The following PSMB5 variants were observed in gnomAD, a reference collection of about 807,000 sequenced individuals.
PSMB5 encodes the protein proteasome 20S subunit beta 5, also known as proteasome subunit beta type-5.
PSMB5 carries 2 observed loss-of-function variants against 22.8 expected under a neutral mutation model. The ratio of observed to expected loss-of-function variants is 0.09; its 90% CI spans 0.04 to 0.28. The LOEUF is 0.28. Ranked by LOEUF, PSMB5 falls within the 10% of genes least tolerant of loss-of-function variation. The pLI is 1.00. For missense variants in PSMB5, 269 were observed against 343.8 expected (o/e 0.78, Z 1.72); for synonymous variants, 133 against 135.3 (o/e 0.98, Z 0.12).
At chr14:23,030,317 G>A (rs888179529) in intron 2 of PSMB5, among the ~76,000 whole-genome samples, 6 of 151,506 alleles carry the variant, frequency 4.0e-5, no homozygotes, top group East Asian at 2.0e-4. Context: ...GTGAAACCCC[G>A]TCTCTACTAA....
chr14:23,033,897 G>A (rs2046971876), intron 1 of PSMB5, among the ~76,000 whole-genome samples: 2 of 152,174 alleles, frequency 1.3e-5, no homozygotes, highest in Middle Eastern at 3.2e-3. Flanking sequence ...TAGGATGGGC[G>A]TGGTGGCTCA....
chr14:23,030,797 G>C lies in PSMB5; in HGVS notation c.505+2571C>G, dbSNP rs539215627. Among the ~76,000 whole-genome samples the C allele has an allele frequency of 2.0e-5, 3 of 152,146 alleles. No individual in the cohort carries two copies. In the East Asian group the frequency reaches 5.8e-4, roughly 30 times the overall value. On this transcript the variant is annotated intron_variant, in intron 2 of 2. Coordinates refer to ENST00000361611, the MANE Select transcript of PSMB5 (RefSeq NM_002797.5). ...CAAAAGTTAGCTGGCAGGGTGGCGG[G>C]TGTCTGTAATCCCAGCTACTCGGGA...
upstream of PSMB5, chr14:23,035,033 A>C (rs1227889900): frequency 5.0e-6 from 7 of 1,404,164 alleles, no homozygotes; most frequent in Admixed American, 2.9e-5. Flanking sequence ...AAGAAGAGCC[A>C]GATGCGAAAG....
intron 1 of PSMB5, 189 bp downstream of exon 1, chr14:23,034,495 C>T: frequency 5.8e-6 from 4 of 685,398 alleles, no homozygotes; most frequent in Non-Finnish European, 9.5e-6. Flanking sequence ...CACCGCCACC[C>T]TTTCCAACCA....
intron 1 of PSMB5, among the ~76,000 whole-genome samples, chr14:23,034,109 G>C (rs939722908): frequency 2.7e-5 from 4 of 148,948 alleles, no homozygotes; most frequent in African/African-American, 1.0e-4. Flanking sequence ...CTGAGCGACA[G>C]CGAAAAGCCC....
rs768191445 is a variant in PSMB5, at chr14:23,026,215, G to T, written c.666C>A (p.Ala222=). 6.2e-7 allele frequency: 1 copy of T among 1,614,084 alleles called. No homozygotes were observed. Residue 222 remains alanine, a synonymous_variant, in exon 3 of 3, where the codon GCC becomes GCA. Transcript: ENST00000361611. ...YDLARRAIYQ[A]TYRDAYSGGA... ...CTCCTGAGTAGGCATCTCTGTAGGTGGCTTGGTAGATGGCTCGACGGGCCA... is the reference window on the plus strand; with the variant it reads ...CTCCTGAGTAGGCATCTCTGTAGGTTGCTTGGTAGATGGCTCGACGGGCCA...
chr14:23,032,828 G>C (rs1264237920), intron 2 of PSMB5, among the ~76,000 whole-genome samples: 1 of 150,672 alleles, frequency 6.6e-6, no homozygotes, highest in African/African-American at 2.4e-5. Flanking sequence ...TCGATCTCCT[G>C]ACCTCGTGAT....
upstream of PSMB5, chr14:23,034,946 C>A: frequency 6.5e-7 from 1 of 1,545,512 alleles, no homozygotes; most frequent in South Asian, 1.2e-5. Context: ...GGCAACGCCT[C>A]GCCGTCACAG....
chr14:23,026,934 T>A (rs183204991), intron 2 of PSMB5, among the ~76,000 whole-genome samples: 1 of 148,762 alleles, frequency 6.7e-6, no homozygotes, highest in East Asian at 2.0e-4. Flanking sequence ...AATACAAAAT[T>A]TGCCAGGCGT....
At chr14:23,028,012 G>A (rs924944521) in intron 2 of PSMB5, among the ~76,000 whole-genome samples, 8 of 151,970 alleles carry the variant, frequency 5.3e-5, no homozygotes, top group Non-Finnish European at 1.2e-4. Flanking sequence ...GCGTGGTGGC[G>A]CATGCCTGTA....
At chr14:23,031,030 C>T (rs1339552556) in intron 2 of PSMB5, among the ~76,000 whole-genome samples, 1 of 152,104 alleles carries the variant, frequency 6.6e-6, no homozygotes, top group South Asian at 2.1e-4. Context: ...AAAATACCTG[C>T]GTATAAGTGG....
intron 2 of PSMB5, among the ~76,000 whole-genome samples, chr14:23,031,704 G>A (rs2046953648): frequency 6.6e-6 from 1 of 152,168 alleles, no homozygotes; most frequent in Non-Finnish European, 1.5e-5. Flanking sequence ...TGCTGGAAAG[G>A]AAAAACAGGC....
intron 1 of PSMB5, 138 bp downstream of exon 1, chr14:23,034,546 A>C: frequency 9.8e-7 from 1 of 1,018,276 alleles, no homozygotes; most frequent in Non-Finnish European, 1.4e-6. Context: ...AGACAGCAAA[A>C]CTGCTGCGGT....
Position 23,027,149 on chromosome 14 carries a change from G to C in PSMB5, c.506-774C>G, listed in dbSNP as rs544347195. Among the ~76,000 whole-genome samples, 4 of 151,772 alleles carry C rather than the reference G, an allele frequency of 2.6e-5. No individual in the cohort carries two copies. The South Asian group carries it at 8.3e-4, about 31-fold the overall frequency. On this transcript the variant is annotated intron_variant, in intron 2 of 2. Coordinates refer to ENST00000361611, the MANE Select transcript of PSMB5 (RefSeq NM_002797.5). ...TGTAATCCCAGCACTTTGGGAGGCCGAGGCGGGTGGATCACGAGGTCAGGA... is the reference window on the plus strand; with the variant it reads ...TGTAATCCCAGCACTTTGGGAGGCCCAGGCGGGTGGATCACGAGGTCAGGA...
At chr14:23,034,469 G>C in intron 1 of PSMB5, 2 of 575,330 alleles carry the variant, frequency 3.5e-6, no homozygotes, top group East Asian at 6.1e-5. Flanking sequence ...TTCCTCCCCC[G>C]ACTTACCCCC....
At chr14:23,034,482 C>G in intron 1 of PSMB5, 1 of 622,826 alleles carries the variant, frequency 1.6e-6, no homozygotes, top group South Asian at 2.1e-5. Flanking sequence ...TTACCCCCGG[C>G]CCCACCGCCA....
At chr14:23,031,073 G>A (rs1401292530) in intron 2 of PSMB5, among the ~76,000 whole-genome samples, 1 of 152,148 alleles carries the variant, frequency 6.6e-6, no homozygotes, top group Non-Finnish European at 1.5e-5. Flanking sequence ...TTGCTCAAGG[G>A]CCAACTGTAA....
At chr14:23,034,639 C>A (rs1409977011) in intron 1 of PSMB5, 45 bp downstream of exon 1, 1 of 1,596,528 alleles carries the variant, frequency 6.3e-7, no homozygotes, top group South Asian at 1.1e-5. Context: ...CCAGGCAAGT[C>A]GCGGGCGTTC....
chr14:23,030,630 A>T (rs777613261), intron 2 of PSMB5, among the ~76,000 whole-genome samples: 3 of 152,154 alleles, frequency 2.0e-5, no homozygotes, highest in Non-Finnish European at 2.9e-5. Context: ...GCCCTGCAGA[A>T]CCTGCATATA....
Sources: gnomAD v4.1 joint callset for allele counts (sites outside exome capture counted in the v4.1 genomes callset) on GRCh38, gnomAD v4.1.1 for gene constraint, MANE v1.5 for transcripts, NCBI Gene and HGNC (gene_info 2026-07-23, HGNC 2026-07-21) for gene names.